The following IGF1R variants were observed in gnomAD, a reference collection of about 807,000 sequenced individuals.
IGF1R encodes the protein insulin like growth factor 1 receptor, also known as insulin-like growth factor 1 receptor.
Under a neutral mutation model 144.6 loss-of-function variants are expected in IGF1R, and 44 were observed. The ratio of observed to expected loss-of-function variants is 0.30; its 90% confidence interval spans 0.24 to 0.39. IGF1R has a LOEUF of 0.39. Among genes scored for constraint, IGF1R ranks in the 10% least tolerant of loss-of-function variants. The pLI, the probability that IGF1R is intolerant of heterozygous loss-of-function variation, is 1.00. For synonymous variants in IGF1R, 795 were observed against 722.8 expected (o/e 1.10, Z -1.60); for missense variants, 1,355 against 1,833.7 (o/e 0.74, Z 4.77).
At chr15:98,939,478 C>A (rs1208171760) in intron 18 of IGF1R, 118 bp downstream of exon 18, 2 of 940,872 alleles carry the variant, frequency 2.1e-6, no homozygotes, top group Non-Finnish European at 3.5e-6. Flanking sequence ...TGCACGGACT[C>A]CTTCTTGGGA....
chr15:98,648,719 C>T lies in IGF1R; in HGVS notation c.-863C>T, dbSNP rs1413838856. ...AGCGAGCCTGCCCACGGCCGGCGCTCGCAGACCCTCGGCCCCGCTCCCCGG... is the reference window on the plus strand; with the variant it reads ...AGCGAGCCTGCCCACGGCCGGCGCTTGCAGACCCTCGGCCCCGCTCCCCGG... On this transcript the variant is annotated 5_prime_UTR_variant, in exon 1 of 21. Coordinates refer to ENST00000650285, the MANE Select transcript of IGF1R (RefSeq NM_000875.5). 2.7e-5 allele frequency among the ~76,000 whole-genome samples: 4 copies of T among 147,470 alleles called. No individual in the cohort carries two copies. Among genetic ancestry groups the T allele is most frequent in the South Asian group, 2.1e-4 (1 of 4,808 alleles).
chr15:98,700,607 G>C (rs1438619205), intron 1 of IGF1R, among the ~76,000 whole-genome samples: 1 of 152,166 alleles, frequency 6.6e-6, no homozygotes, highest in Non-Finnish European at 1.5e-5. Context: ...TACAAGCAAA[G>C]TGAAGTTGAC....
chr15:98,859,802 A>G (rs1303210159), intron 2 of IGF1R, among the ~76,000 whole-genome samples: 2 of 152,246 alleles, frequency 1.3e-5, no homozygotes, highest in South Asian at 2.1e-4. Context: ...AATTTCTTCA[A>G]TAAAGAGAAA....
intron 2 of IGF1R, among the ~76,000 whole-genome samples, chr15:98,712,361 AT>A (rs964590501): frequency 6.6e-6 from 1 of 151,308 alleles, no homozygotes; most frequent in Non-Finnish European, 1.5e-5. Flanking sequence ...ACTTTTGCCT[AT>A]TTTTTTTCTT....
intron 1 of IGF1R, among the ~76,000 whole-genome samples, chr15:98,693,129 C>T (rs1415479312): frequency 2.6e-5 from 4 of 152,124 alleles, no homozygotes; most frequent in Non-Finnish European, 4.4e-5. Context: ...CCCATATGAA[C>T]GTCCTTGCTA....
intron 2 of IGF1R, among the ~76,000 whole-genome samples, chr15:98,849,580 A>G (rs1165309999): frequency 1.3e-5 from 2 of 152,254 alleles, no homozygotes; most frequent in African/African-American, 4.8e-5. Context: ...TAAATTACAA[A>G]AAAACTTTCT....
chr15:98,853,398 A>G (rs1226582486), intron 2 of IGF1R, among the ~76,000 whole-genome samples: 1 of 152,214 alleles, frequency 6.6e-6, no homozygotes, highest in East Asian at 1.9e-4. Flanking sequence ...GGCCCGGAGC[A>G]GCTCCAGTGT....
chr15:98,906,595 C>T (rs1454671303), intron 5 of IGF1R, among the ~76,000 whole-genome samples: 1 of 152,224 alleles, frequency 6.6e-6, no homozygotes, highest in African/African-American at 2.4e-5. Context: ...TGGGGTCTAC[C>T]CCCAGCAACA....
intron 6 of IGF1R, among the ~76,000 whole-genome samples, chr15:98,911,006 A>G (rs1269510642): frequency 2.0e-5 from 3 of 152,302 alleles, no homozygotes; most frequent in South Asian, 4.1e-4. Context: ...TGGAGAAGAA[A>G]GATAAGTTCA....
At chr15:98,953,532 T>C (rs1266974335) in intron 20 of IGF1R, among the ~76,000 whole-genome samples, 2 of 152,154 alleles carry the variant, frequency 1.3e-5, no homozygotes, top group African/African-American at 2.4e-5. Context: ...GGAGTGGCCC[T>C]GGCTTTCAGG....
rs1409501252 is a variant in IGF1R, at chr15:98,916,146, G to A, written c.1996+15G>A. ...CTGCTCCAAAGGTAAGGGTGCAGCA[G>A]CGGCCTGGACGGAGGGTGTGACCGT... On this transcript the variant is annotated intron_variant, in intron 9 of 20. Coordinates refer to ENST00000650285, the MANE Select transcript of IGF1R (RefSeq NM_000875.5). 1 of 1,613,996 alleles carries A rather than the reference G, an allele frequency of 6.2e-7. No individual in the cohort carries two copies.
Position 98,708,021 on chromosome 15 carries a change from C to T in IGF1R, c.554C>T (p.Thr185Ile), listed in dbSNP as rs371283551. Reference protein sequence around the residue: ...PKECGDLCPGTMEEKPMCEKT... With the variant: ...PKECGDLCPGIMEEKPMCEKT... ...GAATGTGGGGACCTGTGTCCAGGGA[C>T]CATGGAGGAGAAGCCGATGTGTGAG... is the stretch of plus-strand genomic sequence containing the variant. Residue 185 changes from threonine (T) to isoleucine (I), a missense_variant, in exon 2 of 21, where the codon ACC (threonine) becomes ATC (isoleucine). Physicochemically the swap from Thr to Ile is moderately conservative, Grantham distance 89. This residue lies in a region of IGF1R where 880 missense variants were observed against 1,202.7 expected (regional missense o/e 0.73). Coordinates refer to ENST00000650285, the MANE Select transcript of IGF1R (RefSeq NM_000875.5). 6.2e-7 allele frequency: 1 copy of T among 1,614,064 alleles called. No individual in the cohort carries two copies. Among genetic ancestry groups the T allele is most frequent in the Non-Finnish European group, 8.5e-7 (1 of 1,179,960 alleles).
In IGF1R at chr15:98,957,261, C is replaced by G. The variant is rs753745798; in HGVS notation, c.3923C>G (p.Ser1308Trp). 4.3e-6 allele frequency: 7 copies of G among 1,613,944 alleles called. No individual in the cohort carries two copies. The highest frequency in any genetic ancestry group is 5.9e-6 in the Non-Finnish European group (7 of 1,180,012). Residue 1308 changes from serine to tryptophan, a missense_variant, in exon 21 of 21, where the codon TCG becomes TGG. Physicochemically the swap from Ser to Trp is radical, Grantham distance 177. Around this residue, in one of 7 missense-constraint regions of IGF1R, gnomAD observed 219 missense variants for 188.8 expected, o/e 1.16. Coordinates refer to ENST00000650285, the MANE Select transcript of IGF1R (RefSeq NM_000875.5). ...ATGGAGAGCGTCCCCCTGGACCCCT[C>G]GGCCTCCTCGTCCTCCCTGCCACTG... Reference protein sequence around the residue: ...ENMESVPLDPSASSSSLPLPD... With the variant: ...ENMESVPLDPWASSSSLPLPD...
rs35925791 is a variant in IGF1R, at chr15:98,708,244, G to C, written c.640+137G>C. On this transcript the variant is annotated intron_variant, in intron 2 of 20. Transcript: ENST00000650285. The stretch of plus-strand genomic sequence containing the variant: ...GTTGCATTTAGGACGTGGCATGCCT[G>C]CTGTGCGGAAGTGGTTCCCAGTGGG... The C allele has an allele frequency of 1.3e-4, 103 of 790,186 alleles. 1 individual carries two copies. In the African/African-American group the frequency reaches 1.5e-3, roughly 12 times the overall value. 48.9% of individuals were successfully genotyped at this position (790,186 alleles called of 1,614,324 possible).
intron 2 of IGF1R, among the ~76,000 whole-genome samples, chr15:98,728,148 A>G (rs1043530059): frequency 4.6e-5 from 7 of 151,346 alleles, no homozygotes; most frequent in African/African-American, 1.7e-4. Context: ...TTAACTAAGT[A>G]TTTTTGCTCT....
intron 2 of IGF1R, among the ~76,000 whole-genome samples, chr15:98,717,334 T>TG (rs1413140551): frequency 6.4e-5 from 4 of 62,602 alleles, no homozygotes; most frequent in Non-Finnish European, 1.4e-4. Context: ...CAGCTGCTGC[T>TG]ATTTTTTTTT....
At chr15:98,763,044 CAAAAA>C (rs58091658) in intron 2 of IGF1R, among the ~76,000 whole-genome samples, 36 of 134,610 alleles carry the variant, frequency 2.7e-4, no homozygotes, top group South Asian at 9.5e-4. Context: ...GGTTCCATCT[CAAAAA>C]AAAAAAAAAA....
chr15:98,747,187 C>T (rs2054889390), intron 2 of IGF1R, among the ~76,000 whole-genome samples: 1 of 101,996 alleles, frequency 9.8e-6, no homozygotes, highest in Non-Finnish European at 2.4e-5. Context: ...TTCAATTTGT[C>T]GTTGTTGTTG....
At chr15:98,796,807 T>A (rs1233782699) in intron 2 of IGF1R, among the ~76,000 whole-genome samples, 1 of 152,250 alleles carries the variant, frequency 6.6e-6, no homozygotes, top group African/African-American at 2.4e-5. Context: ...TATTTCTTCC[T>A]TGTGTATCCT....
Sources: allele counts gnomAD v4.1 joint callset (sites outside exome capture counted in the v4.1 genomes callset), GRCh38; gene constraint gnomAD v4.1.1; regional missense constraint gnomAD v4.1.1; transcripts MANE v1.5; gene names NCBI Gene and HGNC (gene_info 2026-07-23, HGNC 2026-07-21).